Variants in IL16 observed in about 807,000 individuals in gnomAD.
IL16 encodes pro-interleukin-16.
In IL16, 67 loss-of-function variants were observed where a neutral mutation model predicts 110.1. The ratio of observed to expected loss-of-function variants is 0.61; its 90% CI spans 0.50 to 0.75. The LOEUF is 0.75. IL16 is among the 30% of genes least tolerant of loss of function. The probability of loss-of-function intolerance (pLI) is 0.00; values close to 1 mark genes in which losing one functional copy is unlikely to be tolerated. For missense variants in IL16, 1,545 were observed against 1,655.0 expected (o/e 0.93, Z 1.15); for synonymous variants, 689 against 662.9 (o/e 1.04, Z -0.61).
chr15:81,274,999 C>A (rs1368955856), intron 6 of IL16, among the ~76,000 whole-genome samples: 1 of 151,930 alleles, frequency 6.6e-6, no homozygotes, highest in Non-Finnish European at 1.5e-5. Context: ...GAGGCGGTAA[C>A]CCTGGGAGGA....
chr15:81,192,931 A>C (rs1475088902), upstream of IL16, among the ~76,000 whole-genome samples: 1 of 152,182 alleles, frequency 6.6e-6, no homozygotes, highest in Non-Finnish European at 1.5e-5. Context: ...GATCAAGATG[A>C]ATAAAAACTC....
chr15:81,282,653 C>T lies in IL16; in HGVS notation c.1096C>T (p.Leu366=). The change falls in exon 9 of 19, where the codon CTG becomes TTG. Residue 366 remains leucine, a synonymous_variant. Transcript: ENST00000683961. ...TCTGCTTCCAGAGGCCGGCGTGGGC[C>T]TGGGCATCGGCCTGTGCAGCGTTCC... ...VSLQKEAGVG[L]GIGLCSVPYF... The T allele has an allele frequency of 6.2e-7, 1 of 1,613,122 alleles. No homozygotes were observed.
At chr15:81,184,726 AC>A (rs1201533983) in intron 1 of IL16, among the ~76,000 whole-genome samples, 1 of 152,240 alleles carries the variant, frequency 6.6e-6, no homozygotes, top group African/African-American at 2.4e-5. Flanking sequence ...TTGGGCATTC[AC>A]ATGCAGGGAC....
intron 6 of IL16, among the ~76,000 whole-genome samples, chr15:81,275,213 C>T (rs1898843215): frequency 1.3e-5 from 2 of 151,030 alleles, no homozygotes; most frequent in African/African-American, 4.9e-5. Flanking sequence ...AGAGCGATGT[C>T]CCTGGATGAC....
At chr15:81,284,709 A>T (rs930074327) in intron 9 of IL16, among the ~76,000 whole-genome samples, 2 of 152,198 alleles carry the variant, frequency 1.3e-5, no homozygotes, top group Admixed American at 1.3e-4. Context: ...GGACCTGCTG[A>T]TGACCAACTA....
rs1261122717 is a variant in IL16, at chr15:81,292,846, G to C, written c.1711G>C (p.Glu571Gln). Reference protein sequence around the residue: ...RLPQESPPLPESRDSHPPLRL... With the variant: ...RLPQESPPLPQSRDSHPPLRL... ...GCCCCAGGAGAGCCCACCCCTCCCAGAGAGCCGGGACAGCCACCCGCCGCT... is the reference window on the plus strand; with the variant it reads ...GCCCCAGGAGAGCCCACCCCTCCCACAGAGCCGGGACAGCCACCCGCCGCT... Residue 571 changes from glutamate (E) to glutamine (Q), a missense_variant, in exon 12 of 19, where the codon GAG becomes CAG. By Grantham distance (29) the Glu-to-Gln change is conservative. This residue lies in a region of IL16 where 1,185 missense variants were observed against 1,238.8 expected (regional missense o/e 0.96). Coordinates refer to ENST00000683961, the MANE Select transcript of IL16 (RefSeq NM_172217.5). 1.9e-6 allele frequency: 3 copies of C among 1,613,870 alleles called. No individual in the cohort carries two copies. The African/African-American group carries it at 4.0e-5, about 22-fold the overall frequency.
Position 81,296,966 on chromosome 15 carries a change from A to T in IL16, c.1941A>T (p.Glu647Asp), listed in dbSNP as rs558540604. 1 of 1,613,534 alleles carries T rather than the reference A, an allele frequency of 6.2e-7. No homozygotes were observed. The highest frequency in any genetic ancestry group is 1.1e-5 in the South Asian group (1 of 91,058). Residue 647 changes from glutamate to aspartate, a missense_variant, in exon 13 of 19, where the codon GAA becomes GAT. This residue lies in a region of IL16 where 1,185 missense variants were observed against 1,238.8 expected (regional missense o/e 0.96). Coordinates refer to ENST00000683961, the MANE Select transcript of IL16 (RefSeq NM_172217.5). ...TGCTGCCACTGCTGCTACCACAGGA[A>T]GACACAGCAGGGAGAAGCCCTAGTG... ...RELLPLLLPQEDTAGRSPSAS... is the reference protein window; with the variant it reads ...RELLPLLLPQDDTAGRSPSAS...
chr15:81,286,089 C>T (rs954570365), intron 10 of IL16, among the ~76,000 whole-genome samples: 2 of 152,126 alleles, frequency 1.3e-5, no homozygotes, highest in African/African-American at 4.8e-5. Flanking sequence ...AAGTAGAGAC[C>T]CAGGGTCCCA....
chr15:81,301,257 C>T, intron 14 of IL16, 87 bp from the exon 15 acceptor site: 3 of 1,232,988 alleles, frequency 2.4e-6, no homozygotes, highest in South Asian at 1.5e-5. Flanking sequence ...TGCTTGGCAC[C>T]ACACCTGGGA....
rs768338149 is a variant in IL16, at chr15:81,308,789, A to G, written c.3990A>G (p.Gly1330=). Residue 1330 remains glycine, a synonymous_variant, in exon 19 of 19, where the codon GGA becomes GGG. Coordinates refer to ENST00000683961, the MANE Select transcript of IL16 (RefSeq NM_172217.5). ...SLQSKETTAA[G]DS ...AGTCCAAGGAAACCACAGCTGCTGGAGACTCCTAGGCAGGACATGCTGAAG... is the reference window on the plus strand; with the variant it reads ...AGTCCAAGGAAACCACAGCTGCTGGGGACTCCTAGGCAGGACATGCTGAAG... 1.6e-5 allele frequency: 26 copies of G among 1,612,562 alleles called. No individual in the cohort carries two copies. Among genetic ancestry groups the G allele is most frequent in the Non-Finnish European group, 2.1e-5 (25 of 1,179,582 alleles).
At chr15:81,245,135 A>G (rs536331021) in intron 2 of IL16, among the ~76,000 whole-genome samples, 2 of 152,274 alleles carry the variant, frequency 1.3e-5, no homozygotes, top group East Asian at 3.9e-4. Context: ...TATATTTTCT[A>G]TCATCTCAGT....
chr15:81,252,903 T>A (rs971370223), intron 2 of IL16, among the ~76,000 whole-genome samples: 6 of 152,204 alleles, frequency 3.9e-5, no homozygotes, highest in Admixed American at 2.0e-4. Flanking sequence ...TGTTTCTATG[T>A]TCTGGATATC....
intron 15 of IL16, among the ~76,000 whole-genome samples, chr15:81,302,813 G>T (rs939165699): frequency 6.6e-6 from 1 of 152,188 alleles, no homozygotes; most frequent in Non-Finnish European, 1.5e-5. Flanking sequence ...GTATGCCTAC[G>T]TAGAGCTGAC....
intron 9 of IL16, among the ~76,000 whole-genome samples, chr15:81,283,723 A>G (rs972641033): frequency 3.3e-5 from 5 of 152,220 alleles, no homozygotes; most frequent in African/African-American, 1.2e-4. Context: ...AAATATTAGT[A>G]AGTTGGGCAC....
chr15:81,295,671 T>C (rs1031308569), intron 12 of IL16, among the ~76,000 whole-genome samples: 1 of 152,256 alleles, frequency 6.6e-6, no homozygotes, highest in Non-Finnish European at 1.5e-5. Flanking sequence ...TTGAAATTGG[T>C]TGATCTCTCA....
chr15:81,259,763 G>A lies in IL16; in HGVS notation c.313-9G>A. 4.4e-6 allele frequency: 7 copies of A among 1,598,820 alleles called. No individual in the cohort carries two copies. The highest frequency in any genetic ancestry group is 6.0e-6 in the Non-Finnish European group (7 of 1,166,426). On this transcript the variant is annotated splice_polypyrimidine_tract_variant and intron_variant, in intron 2 of 18. Coordinates refer to ENST00000683961, the MANE Select transcript of IL16 (RefSeq NM_172217.5). Reference sequence around the variant, plus strand: ...CTTGCTGAATAAAAAGACGGCAATTGTTTTGCAGGAATCTTCCACAGCTTC... The same window carrying A: ...CTTGCTGAATAAAAAGACGGCAATTATTTTGCAGGAATCTTCCACAGCTTC...
intron 1 of IL16, among the ~76,000 whole-genome samples, chr15:81,203,185 A>C (rs552305793): frequency 6.7e-6 from 1 of 149,220 alleles, no homozygotes; most frequent in South Asian, 2.1e-4. Context: ...TTTTTCTTGT[A>C]AATTTGTTTG....
rs527892515 is a variant in IL16 at position 81,277,784 on chromosome 15, C to T, written c.791-1033C>T. ...CATATACAATGGAACCATGATTAGGCGACAGCAGATTCATCAGTAACGACC... is the reference window on the plus strand; with the variant it reads ...CATATACAATGGAACCATGATTAGGTGACAGCAGATTCATCAGTAACGACC... On this transcript the variant is annotated intron_variant, in intron 6 of 18. Coordinates refer to ENST00000683961, the MANE Select transcript of IL16 (RefSeq NM_172217.5). Among the ~76,000 whole-genome samples the T allele has an allele frequency of 5.6e-3, 845 of 151,996 alleles. 27 individuals are homozygous for T. The highest frequency in any genetic ancestry group is 0.049 in the Admixed American group (743 of 15,292).
In IL16 at chr15:81,301,402, G is replaced by T. The variant is rs1234063363; in HGVS notation, c.3208G>T (p.Gly1070Trp). Reference sequence around the variant, plus strand: ...CACGGAAGCCAAGGAAGACGATGATGGGGACCACAGTTCCCTTCAGTCTGG... The same window carrying T: ...CACGGAAGCCAAGGAAGACGATGATTGGGACCACAGTTCCCTTCAGTCTGG... The part of the protein sequence containing the change: ...GLTEAKEDDD[G>W]DHSSLQSGQS... The change falls in exon 15 of 19, where the codon GGG (glycine) becomes TGG (tryptophan). Residue 1070 changes from glycine (G) to tryptophan (W), a missense_variant. This residue lies in a region of IL16 where 356 missense variants were observed against 399.3 expected (regional missense o/e 0.89). Transcript: ENST00000683961. 2 of 1,613,962 alleles carry T rather than the reference G, an allele frequency of 1.2e-6. No homozygotes were observed. Among genetic ancestry groups the T allele is most frequent in the Non-Finnish European group, 1.7e-6 (2 of 1,179,902 alleles).
Sources: gnomAD v4.1 joint callset for allele counts (sites outside exome capture counted in the v4.1 genomes callset) on GRCh38, gnomAD v4.1.1 for gene constraint, gnomAD v4.1.1 regional missense constraint, MANE v1.5 for transcripts, NCBI Gene and HGNC (gene_info 2026-07-23, HGNC 2026-07-21) for gene names.